The following FRA10AC1 variants were observed in gnomAD, a reference collection of about 807,000 sequenced individuals.
FRA10AC1 encodes FRA10A associated CGG repeat 1, also known as protein FRA10AC1.
In FRA10AC1, 43 loss-of-function variants were observed where a neutral mutation model predicts 56.5. The observed-to-expected ratio is 0.76, with a 90% CI of 0.60 to 0.98. The LOEUF (loss-of-function observed/expected upper bound fraction) is 0.98. FRA10AC1 is among the 50% of genes least tolerant of loss of function. The pLI is 0.00. For missense variants in FRA10AC1, 346 were observed against 351.8 expected (o/e 0.98, Z 0.13); for synonymous variants, 112 against 110.5 (o/e 1.01, Z -0.09).
At position 93,685,251 on chromosome 10, in the gene FRA10AC1, T is replaced by G. The variant is rs747462128; in HGVS notation, c.620A>C (p.Lys207Thr). 5 of 1,440,686 alleles carry G rather than the reference T, an allele frequency of 3.5e-6. No individual in the cohort carries two copies. The East Asian group carries it at 1.2e-4, about 33-fold the overall frequency. The allele number at this position is 1,440,686 out of a possible 1,614,324, so 89.2% of individuals were successfully genotyped here. A position where few individuals can be genotyped will look rare whatever the true frequency, so the allele number is the denominator to read the frequency against. Reference protein sequence around the residue: ...EHGEKRNALVKLRLCQECSIK... With the variant: ...EHGEKRNALVTLRLCQECSIK... Reference sequence around the variant, plus strand: ...ACCCCCTAAAATCAACTTACTTAATTTAACAAGTGCATTTCTCTTCTCACC... The same window carrying G: ...ACCCCCTAAAATCAACTTACTTAATGTAACAAGTGCATTTCTCTTCTCACC... The change falls in exon 9 of 14, where the codon AAA (lysine) becomes ACA (threonine). Residue 207 changes from lysine (K) to threonine (T), a missense_variant. Coordinates refer to ENST00000359204, the MANE Select transcript of FRA10AC1 (RefSeq NM_145246.5).
At chr10:93,699,993 G>T (rs751580959) in intron 2 of FRA10AC1, 37 bp downstream of exon 2, 5 of 1,070,656 alleles carry the variant, frequency 4.7e-6, no homozygotes, top group Non-Finnish European at 7.1e-6. Context: ...ATCTAGAAAG[G>T]ATGTGAAAAA....
chr10:93,694,663 G>A (rs971425978), intron 5 of FRA10AC1, among the ~76,000 whole-genome samples, 198 bp downstream of exon 5: 5 of 140,470 alleles, frequency 3.6e-5, no homozygotes, highest in Admixed American at 7.6e-5. Context: ...GCAGTGAGCC[G>A]AGATCAAGCC....
At chr10:93,693,689 T>TAC (rs1554896408) in intron 5 of FRA10AC1, among the ~76,000 whole-genome samples, 17 of 100,360 alleles carry the variant, frequency 1.7e-4, no homozygotes, top group African/African-American at 4.5e-4. Context: ...TATATATATA[T>TAC]ACCATATATA....
Position 93,669,198 on chromosome 10 carries a change from A to T in FRA10AC1, c.*628T>A, listed in dbSNP as rs1266766639. On this transcript the variant is annotated 3_prime_UTR_variant, in exon 14 of 14. Coordinates refer to ENST00000359204, the MANE Select transcript of FRA10AC1 (RefSeq NM_145246.5). ...AATAGGTGGTAATGGGAGAGCAGGT[A>T]CTTAAAAGAAGGGTGCCAGTTTATC... 1.3e-5 allele frequency: 2 copies of T among 152,288 alleles called. No homozygotes were observed. Among genetic ancestry groups the T allele is most frequent in the Non-Finnish European group, 2.9e-5 (2 of 68,106 alleles). 9.4% of individuals were successfully genotyped at this position (152,288 alleles called of 1,614,324 possible).
chr10:93,673,284 T>C (rs936748259), intron 12 of FRA10AC1: 5 of 456,022 alleles, frequency 1.1e-5, no homozygotes, highest in African/African-American at 6.0e-5. Context: ...CAAATATCCA[T>C]ACAGTAATTT....
chr10:93,672,229 G>A (rs1004987843), intron 12 of FRA10AC1: 4 of 273,418 alleles, frequency 1.5e-5, no homozygotes, highest in Non-Finnish European at 2.8e-5. Flanking sequence ...GAATCAACAT[G>A]TGTGTCTGAA....
chr10:93,688,626 T>C (rs958411954), intron 7 of FRA10AC1, among the ~76,000 whole-genome samples: 10 of 152,130 alleles, frequency 6.6e-5, no homozygotes, highest in Admixed American at 1.3e-4. Flanking sequence ...GGGAATTCTG[T>C]GCTTTCTGCT....
intron 2 of FRA10AC1, 56 bp downstream of exon 2, chr10:93,699,974 T>C (rs2059302300): frequency 1.1e-6 from 1 of 933,454 alleles, no homozygotes. Context: ...TTATTTATAC[T>C]TCATATTAAT....
chr10:93,697,913 A>G (rs1399071654), intron 4 of FRA10AC1, among the ~76,000 whole-genome samples: 2 of 152,194 alleles, frequency 1.3e-5, no homozygotes, highest in African/African-American at 4.8e-5. Flanking sequence ...ACCTATTTAT[A>G]GAGTACTAGT....
intron 13 of FRA10AC1, 144 bp downstream of exon 13, chr10:93,670,626 A>G: frequency 4.2e-6 from 2 of 475,172 alleles, no homozygotes; most frequent in Non-Finnish European, 7.5e-6. Flanking sequence ...ATGGCTGGGA[A>G]TAAGCTCTAA....
chr10:93,699,276 T>C (rs1336637204), intron 2 of FRA10AC1, among the ~76,000 whole-genome samples: 1 of 152,208 alleles, frequency 6.6e-6, no homozygotes, highest in Non-Finnish European at 1.5e-5. Flanking sequence ...CTGAGTATCC[T>C]ATAAAAATGT....
In FRA10AC1 at chr10:93,692,020, T is replaced by C; in HGVS notation, c.454A>G (p.Lys152Glu). 6.4e-7 allele frequency: 1 copy of C among 1,566,670 alleles called. No individual in the cohort carries two copies. The highest frequency in any genetic ancestry group is 8.6e-7 in the Non-Finnish European group (1 of 1,160,740). The change falls in exon 7 of 14, where the codon AAA becomes GAA. Residue 152 changes from lysine to glutamate, a missense_variant. Coordinates refer to ENST00000359204, the MANE Select transcript of FRA10AC1 (RefSeq NM_145246.5). ...EYCIADLSKY[K>E]ENKFGFRWRV... is the part of the protein sequence containing the mutation. ...TGTGGAAAGCATACCTTATTTTCTT[T>C]ATATTTACTGAGATCTGCTATGCAG... is the stretch of plus-strand genomic sequence containing the variant.
chr10:93,680,206 T>C (rs1001659389), intron 11 of FRA10AC1, among the ~76,000 whole-genome samples: 1 of 152,148 alleles, frequency 6.6e-6, no homozygotes, highest in Non-Finnish European at 1.5e-5. Flanking sequence ...GAACATATAA[T>C]ACAATGAGGG....
intron 11 of FRA10AC1, among the ~76,000 whole-genome samples, chr10:93,678,274 A>G (rs982860702): frequency 2.6e-5 from 4 of 152,178 alleles, no homozygotes; most frequent in Admixed American, 6.5e-5. Context: ...CTACCTAAAT[A>G]TCTTGTTCTC....
intron 5 of FRA10AC1, among the ~76,000 whole-genome samples, chr10:93,694,193 CTT>C (rs1312736137): frequency 5.9e-5 from 9 of 152,174 alleles, no homozygotes; most frequent in African/African-American, 2.2e-4. Context: ...ACTGAGAGTT[CTT>C]GTTTACCTAT....
chr10:93,680,852 A>C (rs1442471601), intron 11 of FRA10AC1, among the ~76,000 whole-genome samples: 1 of 152,214 alleles, frequency 6.6e-6, no homozygotes, highest in Admixed American at 6.5e-5. Flanking sequence ...TTACACATGA[A>C]GAAATTGAGT....
chr10:93,693,228 A>C (rs925135361), intron 5 of FRA10AC1, among the ~76,000 whole-genome samples: 21 of 151,430 alleles, frequency 1.4e-4, no homozygotes, highest in Non-Finnish European at 2.5e-4. Flanking sequence ...AAAAAGGAAA[A>C]AAAAAAGTGA....
chr10:93,674,039 A>T (rs1313719464), intron 12 of FRA10AC1: 1 of 157,088 alleles, frequency 6.4e-6, no homozygotes, highest in African/African-American at 2.4e-5. Context: ...CTTTACTTCA[A>T]TTCTTTGGTT....
At chr10:93,689,268 T>C (rs947246389) in intron 7 of FRA10AC1, among the ~76,000 whole-genome samples, 1 of 152,034 alleles carries the variant, frequency 6.6e-6, no homozygotes, top group Non-Finnish European at 1.5e-5. Flanking sequence ...CAATTTCAAT[T>C]ATTTTTTTTA....
Sources: allele counts gnomAD v4.1 joint callset (sites outside exome capture counted in the v4.1 genomes callset), GRCh38; gene constraint gnomAD v4.1.1; transcripts MANE v1.5; gene names NCBI Gene and HGNC (gene_info 2026-07-23, HGNC 2026-07-21).